The following GLIS1 variants were observed in gnomAD, a reference collection of about 807,000 sequenced individuals.
The protein encoded by GLIS1 is zinc finger protein GLIS1.
A neutral mutation model predicts 63.8 loss-of-function variants in GLIS1; 24 were observed. The ratio of observed to expected loss-of-function variants is 0.38; its 90% CI spans 0.27 to 0.53. The LOEUF (loss-of-function observed/expected upper bound fraction) is 0.53, where lower values mean the gene tolerates loss of function less well. Ranked by LOEUF, GLIS1 falls within the 20% of genes least tolerant of loss-of-function variation. GLIS1 has a pLI of 0.85. For synonymous variants in GLIS1, 450 were observed against 482.5 expected (o/e 0.93, Z 0.88); for missense variants, 1,036 against 1,074.1 (o/e 0.96, Z 0.50).
At chr1:53,582,156 T>C (rs1222039637) in intron 4 of GLIS1, among the ~76,000 whole-genome samples, 1 of 152,074 alleles carries the variant, frequency 6.6e-6, no homozygotes. Flanking sequence ...CCTAATCACA[T>C]ACAGAGGAAC....
intron 2 of GLIS1, among the ~76,000 whole-genome samples, chr1:53,716,042 C>G (rs1014557570): frequency 6.6e-6 from 1 of 152,072 alleles, no homozygotes; most frequent in Admixed American, 6.5e-5. Context: ...GCACAGTCTT[C>G]GAGGAAGAGG....
Position 53,509,114 on chromosome 1 carries a change from G to T in GLIS1, c.2230+6C>A. On this transcript the variant is annotated splice_donor_region_variant and intron_variant, in intron 10 of 10. Transcript: ENST00000628545. ...CAGGACTGGGAGCCACGCAGGCAGG[G>T]CTCACCTGTGGCAGGCAAGGGCGTG... The T allele has an allele frequency of 1.3e-6, 2 of 1,569,524 alleles. No individual in the cohort carries two copies. The highest frequency in any genetic ancestry group is 1.7e-6 in the Non-Finnish European group (2 of 1,154,018).
chr1:53,551,000 G>A (rs1009607722), intron 4 of GLIS1, among the ~76,000 whole-genome samples: 4 of 152,048 alleles, frequency 2.6e-5, no homozygotes, highest in South Asian at 2.1e-4. Context: ...ACAGGCGCCC[G>A]CCAACACACC....
intron 2 of GLIS1, among the ~76,000 whole-genome samples, chr1:53,623,977 A>C (rs949209806): frequency 6.6e-6 from 1 of 152,198 alleles, no homozygotes; most frequent in Non-Finnish European, 1.5e-5. Context: ...ATCCAGATTG[A>C]CCTGTAAATT....
chr1:53,585,539 G>A (rs1645126275), intron 4 of GLIS1, among the ~76,000 whole-genome samples: 1 of 151,454 alleles, frequency 6.6e-6, no homozygotes, highest in African/African-American at 2.4e-5. Flanking sequence ...GATGGGGAAT[G>A]GGGGTGAAAC....
rs776281712 is a variant in GLIS1 at position 53,524,895 on chromosome 1, A to G, written c.1483-8T>C. The G allele has an allele frequency of 1.3e-5, 20 of 1,566,518 alleles. No individual in the cohort carries two copies. Among genetic ancestry groups the G allele is most frequent in the Non-Finnish European group, 1.5e-5 (17 of 1,140,020 alleles). On this transcript the variant is annotated splice_polypyrimidine_tract_variant and splice_region_variant and intron_variant, in intron 5 of 10. Transcript: ENST00000628545. ...CTGACAGGCGTACGGCTTCTGTAAC[A>G]TGGGGGGCACGGGTGGGGTGAGTGA...
chr1:53,527,256 TG>T (rs1644479970), intron 5 of GLIS1, among the ~76,000 whole-genome samples: 1 of 152,136 alleles, frequency 6.6e-6, no homozygotes, highest in African/African-American at 2.4e-5. Context: ...ATCATCCCAG[TG>T]GGGAAGCTGA....
chr1:53,525,678 C>T (rs1280210490), intron 5 of GLIS1, among the ~76,000 whole-genome samples: 3 of 151,778 alleles, frequency 2.0e-5, no homozygotes, highest in African/African-American at 4.8e-5. Context: ...GAAGGTCTTT[C>T]TCACAGACCC....
intron 2 of GLIS1, among the ~76,000 whole-genome samples, chr1:53,706,850 C>G (rs575620948): frequency 6.6e-6 from 1 of 152,300 alleles, no homozygotes; most frequent in Non-Finnish European, 1.5e-5. Flanking sequence ...TACTCAGGAA[C>G]ATTTCTAAAT....
Position 53,600,219 on chromosome 1 carries a change from G to T in GLIS1, c.319C>A (p.Leu107Ile), listed in dbSNP as rs1450730641. Residue 107 changes from leucine (L) to isoleucine (I), a missense_variant, in exon 3 of 11, where the codon CTT becomes ATT. Coordinates refer to ENST00000628545, the MANE Select transcript of GLIS1 (RefSeq NM_001367484.1). ...GSEKSLLDLD[L>I]AEGPGPTCCQ... ...CAGGTGGGGCCAGGGCCCTCAGCAA[G>T]GTCCAGGTCCAGCAGGCTCTTCTCT... 1 of 1,231,946 alleles carries T rather than the reference G, an allele frequency of 8.1e-7. No homozygotes were observed. Among genetic ancestry groups the T allele is most frequent in the African/African-American group, 1.6e-5 (1 of 64,372 alleles). 76.3% of individuals were successfully genotyped at this position (1,231,946 alleles called of 1,614,324 possible). A position where few individuals can be genotyped will look rare whatever the true frequency, so the allele number is the denominator to read the frequency against.
At chr1:53,575,785 G>A (rs1645026871) in intron 4 of GLIS1, among the ~76,000 whole-genome samples, 1 of 152,176 alleles carries the variant, frequency 6.6e-6, no homozygotes. Flanking sequence ...GGGCTGGGAT[G>A]GGTGCAGGAG....
intron 2 of GLIS1, among the ~76,000 whole-genome samples, chr1:53,617,684 GTTC>G (rs1255332034): frequency 1.3e-5 from 2 of 152,222 alleles, no homozygotes; most frequent in African/African-American, 4.8e-5. Context: ...TTCCCTTTTA[GTTC>G]TTCTTCAATA....
At chr1:53,734,443 G>A (rs1646893742) in intron 2 of GLIS1, among the ~76,000 whole-genome samples, 1 of 152,168 alleles carries the variant, frequency 6.6e-6, no homozygotes, top group Admixed American at 6.5e-5. Context: ...GCTCTCGGCC[G>A]CCAACACACA....
intron 4 of GLIS1, among the ~76,000 whole-genome samples, chr1:53,566,570 C>T (rs560184210): frequency 3.3e-5 from 5 of 152,222 alleles, no homozygotes; most frequent in East Asian, 3.9e-4. Flanking sequence ...AATGACAAAC[C>T]TCTGATTAAA....
intron 2 of GLIS1, among the ~76,000 whole-genome samples, chr1:53,653,158 C>A (rs1645927110): frequency 6.6e-6 from 1 of 152,312 alleles, no homozygotes; most frequent in African/African-American, 2.4e-5. Flanking sequence ...CACCATCAAG[C>A]CTGAACGAAG....
chr1:53,691,421 C>T (rs1646403976), intron 2 of GLIS1, among the ~76,000 whole-genome samples: 1 of 152,158 alleles, frequency 6.6e-6, no homozygotes, highest in African/African-American at 2.4e-5. Flanking sequence ...TGCCTGTTGC[C>T]CTCAGAATCC....
intron 4 of GLIS1, among the ~76,000 whole-genome samples, chr1:53,537,634 A>G (rs78348518): frequency 6.6e-6 from 1 of 152,356 alleles, no homozygotes; most frequent in African/African-American, 2.4e-5. Context: ...GAACTGGCAC[A>G]TAGCTGGTGC....
chr1:53,556,707 C>CTGCAGGTGTGTGTA (rs1404482046), intron 4 of GLIS1, among the ~76,000 whole-genome samples: 22 of 147,090 alleles, frequency 1.5e-4, no homozygotes, highest in Non-Finnish European at 1.9e-4. Context: ...TGCAGGTGTA[C>CTGCAGGTGTGTGTA]TGCAGATGTT....
intron 4 of GLIS1, among the ~76,000 whole-genome samples, chr1:53,579,194 G>A (rs1197491452): frequency 6.6e-6 from 1 of 152,220 alleles, no homozygotes; most frequent in Non-Finnish European, 1.5e-5. Flanking sequence ...CAGAGGTGCT[G>A]GAACTTGAGG....
Sources: gnomAD v4.1 joint callset for allele counts (sites outside exome capture counted in the v4.1 genomes callset) on GRCh38, gnomAD v4.1.1 for gene constraint, MANE v1.5 for transcripts, NCBI Gene and HGNC (gene_info 2026-07-23, HGNC 2026-07-21) for gene names.